Variants in MTMR3 observed in about 807,000 individuals in gnomAD.
The protein encoded by MTMR3 is myotubularin related protein 3.
A neutral mutation model predicts 132.4 loss-of-function variants in MTMR3; 32 were observed. That is an observed-to-expected ratio of 0.24 (90% CI 0.18 to 0.32). The LOEUF (loss-of-function observed/expected upper bound fraction) is 0.32. MTMR3 is among the 10% of genes least tolerant of loss of function. The probability of loss-of-function intolerance (pLI) is 1.00; values close to 1 mark genes in which losing one functional copy is unlikely to be tolerated. For missense variants in MTMR3, 1,216 were observed against 1,489.6 expected, an observed-to-expected ratio of 0.82 and a Z score of 3.02; for synonymous variants, 556 against 550.3, an observed-to-expected ratio of 1.01 and a Z score of -0.14.
chr22:30,010,600 C>T (rs1400430894), intron 12 of MTMR3: 1 of 152,210 alleles, frequency 6.6e-6, no homozygotes, highest in Non-Finnish European at 1.5e-5. Context: ...CTCTCAGCAG[C>T]CCCTCCTTGG....
At chr22:29,931,846 T>G (rs1311643025) in intron 1 of MTMR3, among the ~76,000 whole-genome samples, 1 of 152,048 alleles carries the variant, frequency 6.6e-6, no homozygotes, top group Non-Finnish European at 1.5e-5. Context: ...AACCTGATTT[T>G]TAGCCCTTTT....
Position 29,883,309 on chromosome 22 carries a change from G to T in MTMR3, c.-188G>T. On this transcript the variant is annotated 5_prime_UTR_variant, in exon 1 of 20. Transcript: ENST00000401950. ...GCCCTGGCAGGGAGCCTGGTGGGGT[G>T]GCGGAGGGGGAGACTGTGCCGTGGA... 1 of 153,186 alleles carries T rather than the reference G, an allele frequency of 6.5e-6. No individual in the cohort carries two copies. The highest frequency in any genetic ancestry group is 1.4e-5 in the Non-Finnish European group (1 of 68,982). 9.5% of individuals were successfully genotyped at this position (153,186 alleles called of 1,614,324 possible).
rs183809770 is a variant in MTMR3, at chr22:29,938,147, C to T, written c.-137-18889C>T. ...ATACTAAATCACATACCCACCAGCA[C>T]CATGCAGTTCCAGGAACACCCATAT... On this transcript the variant is annotated intron_variant, in intron 1 of 19. Coordinates refer to ENST00000401950, the MANE Select transcript of MTMR3 (RefSeq NM_021090.4). 2.7e-3 allele frequency among the ~76,000 whole-genome samples: 404 copies of T among 152,094 alleles called. 3 individuals carry two copies. Among genetic ancestry groups the T allele is most frequent in the African/African-American group, 9.3e-3 (386 of 41,482 alleles).
At chr22:29,926,975 C>T (rs760124330) in intron 1 of MTMR3, among the ~76,000 whole-genome samples, 15 of 152,118 alleles carry the variant, frequency 9.9e-5, no homozygotes, top group Non-Finnish European at 1.6e-4. Context: ...TTTGCACTTA[C>T]ATTTAGGTCT....
At chr22:29,929,718 T>TA (rs1555898942) in intron 1 of MTMR3, among the ~76,000 whole-genome samples, 1 of 152,288 alleles carries the variant, frequency 6.6e-6, no homozygotes, top group Admixed American at 6.5e-5. Flanking sequence ...TTCACCGTGT[T>TA]AGTCAGGATG....
In MTMR3 at chr22:29,888,234, A is replaced by G. The variant is rs190750341; in HGVS notation, c.-138+4875A>G. On this transcript the variant is annotated intron_variant, in intron 1 of 19. Coordinates refer to ENST00000401950, the MANE Select transcript of MTMR3 (RefSeq NM_021090.4). Reference sequence around the variant, plus strand: ...TATAATTTTCATTTTTTGTAGAGACAGGGTTTTGCTACGTTGCCCAGGCTG... The same window carrying G: ...TATAATTTTCATTTTTTGTAGAGACGGGGTTTTGCTACGTTGCCCAGGCTG... Among the ~76,000 whole-genome samples, 146 of 152,176 alleles carry G rather than the reference A, an allele frequency of 9.6e-4. 1 individual carries two copies. The highest frequency in any genetic ancestry group is 3.4e-3 in the Middle Eastern group (1 of 294).
At chr22:29,929,141 C>T (rs2065588311) in intron 1 of MTMR3, among the ~76,000 whole-genome samples, 1 of 151,846 alleles carries the variant, frequency 6.6e-6, no homozygotes, top group African/African-American at 2.4e-5. Flanking sequence ...ATTAGCTGGG[C>T]GGGGTGGCGT....
chr22:29,948,617 A>G (rs2065995682), intron 1 of MTMR3, among the ~76,000 whole-genome samples: 1 of 152,160 alleles, frequency 6.6e-6, no homozygotes, highest in African/African-American at 2.4e-5. Context: ...TCTTCCTGGA[A>G]AAGAAACCTC....
chr22:29,928,759 C>T (rs1437268500), intron 1 of MTMR3, among the ~76,000 whole-genome samples: 1 of 152,014 alleles, frequency 6.6e-6, no homozygotes, highest in Non-Finnish European at 1.5e-5. Flanking sequence ...AAGTGATCCA[C>T]CCTCCTTGGC....
chr22:29,999,845 C>T (rs1807508), intron 8 of MTMR3: 53,399 of 152,036 alleles, frequency 0.35, 10,371 homozygotes, highest in East Asian at 0.72. Flanking sequence ...AACACTGTCT[C>T]TACTAAAAAT....
chr22:29,945,404 A>G (rs911088348), intron 1 of MTMR3, among the ~76,000 whole-genome samples: 1 of 152,156 alleles, frequency 6.6e-6, no homozygotes, highest in Non-Finnish European at 1.5e-5. Context: ...CTTTTGCAGT[A>G]AAAATGTTTT....
At chr22:29,971,961 A>G (rs1045911403) in intron 3 of MTMR3, among the ~76,000 whole-genome samples, 2 of 152,242 alleles carry the variant, frequency 1.3e-5, no homozygotes. Flanking sequence ...AAGCTTCATT[A>G]GGGACGTATG....
intron 3 of MTMR3, 56 bp from the exon 4 acceptor site, chr22:29,978,386 C>A: frequency 6.9e-7 from 1 of 1,448,274 alleles, no homozygotes; most frequent in Non-Finnish European, 9.6e-7. Flanking sequence ...GGCAGAAAAA[C>A]CAAATATGAA....
chr22:29,945,665 A>G (rs1602532333), intron 1 of MTMR3, among the ~76,000 whole-genome samples: 2 of 151,430 alleles, frequency 1.3e-5, no homozygotes. Flanking sequence ...TGATCGTGCC[A>G]CTGCATTCCA....
At chr22:29,977,945 G>A (rs2066661454) in intron 3 of MTMR3, 1 of 152,914 alleles carries the variant, frequency 6.5e-6, no homozygotes, top group Admixed American at 6.5e-5. Flanking sequence ...CCAGGAGTTG[G>A]AGACCAGCCT....
chr22:30,009,019 G>T lies in MTMR3; in HGVS notation c.1011G>T (p.Glu337Asp). Reference sequence around the variant, plus strand: ...TCTCTTTATTGTTACTCTCTCCAGAGTATTACCCAAACTGTGAAGTTGTGT... The same window carrying T: ...TCTCTTTATTGTTACTCTCTCCAGATTATTACCCAAACTGTGAAGTTGTGT... ...RAKGGGCECP[E>D]YYPNCEVVFM... The change falls in exon 12 of 20, where the codon GAG becomes GAT. Residue 337 changes from glutamate (E) to aspartate (D), a missense_variant and splice_region_variant. By Grantham distance (45) the Glu-to-Asp change is conservative. This residue lies in a region of MTMR3 where 106 missense variants were observed against 209.5 expected (regional missense o/e 0.51). Coordinates refer to ENST00000401950, the MANE Select transcript of MTMR3 (RefSeq NM_021090.4). 4 of 1,596,666 alleles carry T rather than the reference G, an allele frequency of 2.5e-6. No homozygotes were observed. The highest frequency in any genetic ancestry group is 3.4e-6 in the Non-Finnish European group (4 of 1,164,236).
intron 1 of MTMR3, among the ~76,000 whole-genome samples, chr22:29,916,913 T>C (rs1487531455): frequency 6.6e-6 from 1 of 152,196 alleles, no homozygotes; most frequent in Non-Finnish European, 1.5e-5. Flanking sequence ...ATGCCTACAG[T>C]TGATTGCCAA....
intron 14 of MTMR3, 111 bp from the exon 15 acceptor site, chr22:30,016,415 CAG>C: frequency 3.2e-6 from 4 of 1,242,048 alleles, no homozygotes; most frequent in Non-Finnish European, 3.4e-6. Flanking sequence ...CCCGTCCTGA[CAG>C]AGTAAATTGA....
chr22:29,910,252 A>G (rs970038778), intron 1 of MTMR3, among the ~76,000 whole-genome samples: 3 of 152,210 alleles, frequency 2.0e-5, no homozygotes, highest in African/African-American at 7.2e-5. Context: ...ATCTGAGTGT[A>G]CATCCAAATC....
Sources: allele counts gnomAD v4.1 joint callset (sites outside exome capture counted in the v4.1 genomes callset), GRCh38; gene constraint gnomAD v4.1.1; regional missense constraint gnomAD v4.1.1; transcripts MANE v1.5; gene names NCBI Gene and HGNC (gene_info 2026-07-23, HGNC 2026-07-21).